The following GLIS3 variants were observed in gnomAD, a reference collection of about 807,000 sequenced individuals.
GLIS3 encodes the protein zinc finger protein GLIS3.
In GLIS3, 53 loss-of-function variants were observed where a neutral mutation model predicts 78.6. The observed-to-expected ratio is 0.67, with a 90% CI of 0.54 to 0.85. The LOEUF (loss-of-function observed/expected upper bound fraction) is 0.85, where lower values mean the gene tolerates loss of function less well. Ranked by LOEUF, GLIS3 falls within the 40% of genes least tolerant of loss-of-function variation. The pLI is 0.00. For missense variants in GLIS3, 1,703 were observed against 1,231.1 expected (o/e 1.38, Z -5.74); for synonymous variants, 684 against 509.9 (o/e 1.34, Z -4.60).
In GLIS3 at chr9:4,090,273, G is replaced by A. The variant is rs1309318080; in HGVS notation, c.1710+27495C>T. On this transcript the variant is annotated intron_variant, in intron 4 of 10. Coordinates refer to ENST00000381971, the MANE Select transcript of GLIS3 (RefSeq NM_001042413.2). ...CTGCCTTCCTGCCTACAGCCCAACA[G>A]ATTCAAACTGCGGTCCTGGCTCAAT... is the stretch of plus-strand genomic sequence containing the variant. Among the ~76,000 whole-genome samples, 42 of 152,080 alleles carry A rather than the reference G, an allele frequency of 2.8e-4. 1 individual carries two copies. Among genetic ancestry groups the A allele is most frequent in the Admixed American group, 2.8e-3 (42 of 15,262 alleles).
chr9:4,183,482 C>G (rs778153495), intron 2 of GLIS3, among the ~76,000 whole-genome samples: 1 of 152,114 alleles, frequency 6.6e-6, no homozygotes, highest in Non-Finnish European at 1.5e-5. Flanking sequence ...ATTGCATAGT[C>G]CAGCACACTA....
intron 4 of GLIS3, chr9:4,306,161 C>A (rs1310356326): frequency 6.6e-6 from 1 of 152,166 alleles, no homozygotes; most frequent in African/African-American, 2.4e-5. Context: ...CTCACTACAG[C>A]CCCGACCTCC....
chr9:4,432,958 TG>T, the GLIS3 span, among the ~76,000 whole-genome samples: 1 of 152,162 alleles, frequency 6.6e-6, no homozygotes, highest in Non-Finnish European at 1.5e-5. Context: ...ACACAGACTA[TG>T]TTTTCTAACA....
chr9:4,285,098 G>C (rs1200769290), intron 2 of GLIS3, among the ~76,000 whole-genome samples: 1 of 152,142 alleles, frequency 6.6e-6, no homozygotes. Flanking sequence ...CTATTCTGAA[G>C]GTTGCTAGTA....
the GLIS3 span, among the ~76,000 whole-genome samples, chr9:4,413,610 G>A: frequency 6.6e-6 from 1 of 152,012 alleles, no homozygotes; most frequent in Non-Finnish European, 1.5e-5. Flanking sequence ...GACATGAAAA[G>A]TTCTGTAAAG....
chr9:3,884,332 G>C (rs997917160), intron 7 of GLIS3, among the ~76,000 whole-genome samples: 1 of 152,162 alleles, frequency 6.6e-6, no homozygotes, highest in Non-Finnish European at 1.5e-5. Flanking sequence ...GGCTACTATA[G>C]GCATTGCTTG....
chr9:4,098,146 C>A (rs1325778155), intron 4 of GLIS3, among the ~76,000 whole-genome samples: 1 of 152,192 alleles, frequency 6.6e-6, no homozygotes, highest in Non-Finnish European at 1.5e-5. Flanking sequence ...ATTCCCATCT[C>A]TCAGGATCTC....
intron 2 of GLIS3, among the ~76,000 whole-genome samples, chr9:4,232,152 A>T (rs1396557398): frequency 6.6e-6 from 1 of 152,138 alleles, no homozygotes; most frequent in African/African-American, 2.4e-5. Context: ...CTGAAGTGGG[A>T]GGACTGCTTG....
the GLIS3 span, among the ~76,000 whole-genome samples, chr9:4,454,785 A>ATC: frequency 6.6e-6 from 1 of 152,202 alleles, no homozygotes; most frequent in Admixed American, 6.5e-5. Context: ...GAGGGGAGTT[A>ATC]TTCAAGAAAG....
intron 1 of GLIS3, among the ~76,000 whole-genome samples, chr9:4,289,812 T>A (rs563592803): frequency 1.3e-5 from 2 of 152,280 alleles, no homozygotes; most frequent in African/African-American, 2.4e-5. Context: ...TGAGTCAGCA[T>A]GAAAGTTAAT....
At chr9:4,159,809 T>C (rs544965552) in intron 2 of GLIS3, among the ~76,000 whole-genome samples, 2 of 152,280 alleles carry the variant, frequency 1.3e-5, no homozygotes, top group Admixed American at 6.5e-5. Context: ...ATCTCTCTTG[T>C]GACCAACAAT....
At chr9:3,867,728 TGC>T (rs55749050) in intron 8 of GLIS3, among the ~76,000 whole-genome samples, 16,157 of 48,902 alleles carry the variant, frequency 0.33, 1,042 homozygotes, top group Non-Finnish European at 0.37. Flanking sequence ...TGTGTGTGTG[TGC>T]GTGCGTGTGT....
intron 2 of GLIS3, among the ~76,000 whole-genome samples, chr9:4,240,350 A>T (rs1823184137): frequency 6.6e-6 from 1 of 152,150 alleles, no homozygotes; most frequent in African/African-American, 2.4e-5. Flanking sequence ...TGCTGATCTG[A>T]CAGGAGGCAC....
the GLIS3 span, among the ~76,000 whole-genome samples, chr9:4,376,755 GA>G: frequency 1.5e-5 from 2 of 135,628 alleles, no homozygotes; most frequent in African/African-American, 5.2e-5. Flanking sequence ...TCAAATATGA[GA>G]AAAAAGTTTT....
intron 4 of GLIS3, among the ~76,000 whole-genome samples, chr9:4,059,856 G>C (rs998764946): frequency 2.0e-5 from 3 of 151,324 alleles, no homozygotes; most frequent in African/African-American, 7.3e-5. Context: ...GAGAGAGAGA[G>C]AGAGAGAGAG....
chr9:4,067,124 T>C lies in GLIS3; in HGVS notation c.1710+50644A>G, dbSNP rs887927723. On this transcript the variant is annotated intron_variant, in intron 4 of 10. Coordinates refer to ENST00000381971, the MANE Select transcript of GLIS3 (RefSeq NM_001042413.2). ...CTGCCCTGGAGAAAAATCTGCTCCC[T>C]GAATTTGCCATTCATGTAGACTTAG... Among the ~76,000 whole-genome samples the C allele has an allele frequency of 5.9e-5, 9 of 152,038 alleles. No individual in the cohort carries two copies. The South Asian group carries it at 8.3e-4, about 14-fold the overall frequency.
chr9:4,279,350 C>G (rs1401772514), intron 2 of GLIS3, among the ~76,000 whole-genome samples: 9 of 56,770 alleles, frequency 1.6e-4, no homozygotes, highest in African/African-American at 5.1e-4. Context: ...CACACACACA[C>G]ACACACACAC....
At chr9:4,073,590 C>A (rs1564013285) in intron 4 of GLIS3, among the ~76,000 whole-genome samples, 1 of 152,086 alleles carries the variant, frequency 6.6e-6, no homozygotes, top group African/African-American at 2.4e-5. Flanking sequence ...CTCAGGATTG[C>A]CCCTGCTGGT....
chr9:4,263,513 C>A (rs188193846), intron 2 of GLIS3, among the ~76,000 whole-genome samples: 4 of 150,198 alleles, frequency 2.7e-5, no homozygotes, highest in Non-Finnish European at 5.9e-5. Context: ...GCATTGAGGC[C>A]AAAAAAAAAG....
Sources: allele counts gnomAD v4.1 joint callset (sites outside exome capture counted in the v4.1 genomes callset), GRCh38; gene constraint gnomAD v4.1.1; transcripts MANE v1.5; gene names NCBI Gene and HGNC (gene_info 2026-07-23, HGNC 2026-07-21).